Variants in FOXN3 observed in about 807,000 individuals in gnomAD.
FOXN3 encodes forkhead box N3.
A neutral mutation model predicts 38.4 loss-of-function variants in FOXN3; 7 were observed. The ratio of observed to expected loss-of-function variants is 0.18; its 90% CI spans 0.10 to 0.34. FOXN3 has a LOEUF of 0.34. FOXN3 is among the 10% of genes least tolerant of loss of function. The pLI is 1.00. For missense variants in FOXN3, 456 were observed against 613.4 expected (o/e 0.74, Z 2.71); for synonymous variants, 230 against 242.2 (o/e 0.95, Z 0.47).
Position 89,161,399 on chromosome 14 carries a change from T to C in FOXN3, c.*1015A>G, listed in dbSNP as rs1486984847. 5 of 151,630 alleles carry C rather than the reference T, an allele frequency of 3.3e-5. No individual in the cohort carries two copies. Among genetic ancestry groups the C allele is most frequent in the Admixed American group, 1.3e-4 (2 of 15,238 alleles). The allele number at this position is 151,630 out of a possible 1,614,324, so 9.4% of individuals were successfully genotyped here. On this transcript the variant is annotated 3_prime_UTR_variant, in exon 6 of 6. Coordinates refer to ENST00000557258, the MANE Select transcript of FOXN3 (RefSeq NM_005197.4). ...TAGCTTTCTAGTTTTTTTTTTTTTT[T>C]CACTTGGATCAAATAGTTTTGATAG...
intron 1 of FOXN3, among the ~76,000 whole-genome samples, chr14:89,517,353 T>C (rs1333214534): frequency 1.9e-5 from 1 of 51,644 alleles, no homozygotes; most frequent in Admixed American, 2.4e-4. Flanking sequence ...AGACCCTGTC[T>C]TAAAAAAAAA....
chr14:89,573,984 T>C (rs897864415), intron 1 of FOXN3, among the ~76,000 whole-genome samples: 1 of 152,132 alleles, frequency 6.6e-6, no homozygotes, highest in Non-Finnish European at 1.5e-5. Context: ...TGAGCCGTGA[T>C]GGTGCCATTG....
intron 1 of FOXN3, among the ~76,000 whole-genome samples, chr14:89,512,703 C>T (rs370296446): frequency 6.6e-6 from 1 of 152,266 alleles, no homozygotes; most frequent in African/African-American, 2.4e-5. Flanking sequence ...TGTTTCTCAA[C>T]TGCCTTCAGC....
At chr14:89,291,568 T>C in intron 3 of FOXN3, 1 of 559,546 alleles carries the variant, frequency 1.8e-6, no homozygotes. Flanking sequence ...ACTCCAGTCT[T>C]TCCAGCAGTC....
intron 3 of FOXN3, among the ~76,000 whole-genome samples, chr14:89,289,811 C>T (rs1169592072): frequency 6.6e-6 from 1 of 152,164 alleles, no homozygotes; most frequent in Non-Finnish European, 1.5e-5. Flanking sequence ...ATTACTACTA[C>T]ATCATATTGA....
At position 89,192,162 on chromosome 14, in the gene FOXN3, T is replaced by C. The variant is rs1887966899; in HGVS notation, c.746-11356A>G. Among the ~76,000 whole-genome samples the C allele has an allele frequency of 6.1e-5, 9 of 146,838 alleles. No homozygotes were observed. In the South Asian group the frequency reaches 1.9e-3, roughly 31 times the overall value. On this transcript the variant is annotated intron_variant, in intron 4 of 5. Transcript: ENST00000557258. ...AACAGTCACCATTTCCCACTGATATTAATATATATTATATATTAATATATT... is the reference window on the plus strand; with the variant it reads ...AACAGTCACCATTTCCCACTGATATCAATATATATTATATATTAATATATT...
At chr14:89,184,436 C>A (rs189236702) in intron 4 of FOXN3, among the ~76,000 whole-genome samples, 1 of 152,336 alleles carries the variant, frequency 6.6e-6, no homozygotes, top group East Asian at 1.9e-4. Flanking sequence ...TGCCCAAATA[C>A]TCAGAACATG....
At chr14:89,516,686 C>T (rs995186642) in intron 1 of FOXN3, among the ~76,000 whole-genome samples, 2 of 151,782 alleles carry the variant, frequency 1.3e-5, no homozygotes, top group African/African-American at 4.8e-5. Flanking sequence ...CTCAGCCTCC[C>T]GAGTAGCTGA....
intron 3 of FOXN3, among the ~76,000 whole-genome samples, chr14:89,323,934 TA>T (rs1566956345): frequency 6.6e-6 from 1 of 152,138 alleles, no homozygotes; most frequent in Non-Finnish European, 1.5e-5. Flanking sequence ...GGATGTGTTT[TA>T]GAGACTCATT....
chr14:89,226,269 G>A (rs566022203), intron 4 of FOXN3, among the ~76,000 whole-genome samples: 1 of 152,148 alleles, frequency 6.6e-6, no homozygotes, highest in Non-Finnish European at 1.5e-5. Context: ...CTGTCAACCA[G>A]GCTGGGGTGC....
At chr14:89,278,676 T>C (rs1886371190) in intron 4 of FOXN3, among the ~76,000 whole-genome samples, 1 of 152,222 alleles carries the variant, frequency 6.6e-6, no homozygotes, top group Non-Finnish European at 1.5e-5. Flanking sequence ...ATCCTCGTTC[T>C]ACTTGCCCTC....
intron 1 of FOXN3, among the ~76,000 whole-genome samples, chr14:89,530,785 T>G (rs926535317): frequency 1.3e-5 from 2 of 150,686 alleles, no homozygotes; most frequent in African/African-American, 4.9e-5. Flanking sequence ...AATTTTTGTA[T>G]TTTTAGTAGA....
intron 4 of FOXN3, among the ~76,000 whole-genome samples, chr14:89,216,759 C>T (rs1253622605): frequency 6.6e-6 from 1 of 152,208 alleles, no homozygotes; most frequent in African/African-American, 2.4e-5. Flanking sequence ...AGAATCACTT[C>T]CCCAGACTTT....
intron 3 of FOXN3, among the ~76,000 whole-genome samples, chr14:89,308,395 C>G (rs1047074701): frequency 2.6e-5 from 4 of 152,268 alleles, no homozygotes; most frequent in Non-Finnish European, 4.4e-5. Flanking sequence ...TTCGAGATGT[C>G]CCGCACCGTT....
At chr14:89,464,061 G>T (rs549166820) in intron 1 of FOXN3, among the ~76,000 whole-genome samples, 11 of 151,734 alleles carry the variant, frequency 7.2e-5, no homozygotes, top group African/African-American at 2.7e-4. Context: ...TGGGATTACA[G>T]GCATGAGCCA....
At chr14:89,325,387 A>C (rs1596185603) in intron 3 of FOXN3, among the ~76,000 whole-genome samples, 1 of 145,184 alleles carries the variant, frequency 6.9e-6, no homozygotes, top group African/African-American at 2.5e-5. Context: ...CACCACCATC[A>C]CCACCACCAT....
intron 1 of FOXN3, among the ~76,000 whole-genome samples, chr14:89,470,940 G>A (rs1326790530): frequency 6.6e-6 from 1 of 152,186 alleles, no homozygotes; most frequent in Non-Finnish European, 1.5e-5. Flanking sequence ...CTTGGTCCTT[G>A]CAAGGAGAAA....
At chr14:89,472,270 G>C (rs1596288075) in intron 1 of FOXN3, among the ~76,000 whole-genome samples, 1 of 144,480 alleles carries the variant, frequency 6.9e-6, no homozygotes, top group Non-Finnish European at 1.5e-5. Context: ...AAAAAAAAAA[G>C]AAAGGAAACT....
At chr14:89,230,633 T>C (rs1406573880) in intron 4 of FOXN3, 1 of 235,124 alleles carries the variant, frequency 4.3e-6, no homozygotes, top group Non-Finnish European at 8.9e-6. Flanking sequence ...TTATTGTTTC[T>C]TGTCTATCTC....
Sources: allele counts gnomAD v4.1 joint callset (sites outside exome capture counted in the v4.1 genomes callset), GRCh38; gene constraint gnomAD v4.1.1; transcripts MANE v1.5; gene names NCBI Gene and HGNC (gene_info 2026-07-23, HGNC 2026-07-21).